The following COPB1 variants were observed in gnomAD, a reference collection of about 807,000 sequenced individuals.
The protein encoded by COPB1 is coat protein complex I subunit beta 1.
A neutral mutation model predicts 108.7 loss-of-function variants in COPB1; 21 were observed. That is an observed-to-expected ratio of 0.19 (90% CI 0.14 to 0.28). COPB1 has a LOEUF of 0.28. Among genes scored for constraint, COPB1 ranks in the 10% least tolerant of loss-of-function variants. The pLI, the probability that COPB1 is intolerant of heterozygous loss-of-function variation, is 1.00. For missense variants in COPB1, 919 were observed against 1,141.3 expected (o/e 0.81, Z 2.81); for synonymous variants, 378 against 386.8 (o/e 0.98, Z 0.27).
At chr11:14,484,499 C>T (rs1409743849) in intron 7 of COPB1, among the ~76,000 whole-genome samples, 1 of 152,100 alleles carries the variant, frequency 6.6e-6, no homozygotes, top group Non-Finnish European at 1.5e-5. Flanking sequence ...GCGGGTGGAT[C>T]ACAAGGTCAG....
intron 19 of COPB1, among the ~76,000 whole-genome samples, 187 bp downstream of exon 19, chr11:14,460,999 A>T (rs1287683075): frequency 6.6e-6 from 1 of 152,202 alleles, no homozygotes; most frequent in East Asian, 1.9e-4. Context: ...ATCAATTTAT[A>T]ACAGCAAATT....
chr11:14,469,299 A>G, intron 15 of COPB1, 37 bp downstream of exon 15: 1 of 1,558,282 alleles, frequency 6.4e-7, no homozygotes, highest in Non-Finnish European at 8.8e-7. Context: ...ACGAAGAGAC[A>G]CAAAACACTT....
At chr11:14,483,558 T>C (rs149424609) in intron 7 of COPB1, among the ~76,000 whole-genome samples, 45 of 152,292 alleles carry the variant, frequency 3.0e-4, no homozygotes, top group East Asian at 2.7e-3. Flanking sequence ...CTCATCTGCA[T>C]TGCAGTACAC....
At chr11:14,462,053 A>G (rs1177388112) in intron 18 of COPB1, among the ~76,000 whole-genome samples, 1 of 152,070 alleles carries the variant, frequency 6.6e-6, no homozygotes, top group East Asian at 1.9e-4. Context: ...TGTTCAGTAT[A>G]GACACAACCA....
intron 20 of COPB1, 43 bp downstream of exon 20, chr11:14,460,165 C>A (rs756244522): frequency 7.8e-7 from 1 of 1,287,206 alleles, no homozygotes; most frequent in Non-Finnish European, 1.1e-6. Flanking sequence ...GGAACCTACT[C>A]TACCATTCCA....
chr11:14,458,386 G>T, intron 21 of COPB1, 146 bp downstream of exon 21: 1 of 769,794 alleles, frequency 1.3e-6, no homozygotes, highest in Non-Finnish European at 1.9e-6. Context: ...AATGAGAAAA[G>T]TTATACTTCT....
rs750580085 is a variant in COPB1, at chr11:14,461,248, G to C, written c.2494C>G (p.Pro832Ala). 1 of 1,614,110 alleles carries C rather than the reference G, an allele frequency of 6.2e-7. No individual in the cohort carries two copies. The highest frequency in any genetic ancestry group is 2.2e-5 in the East Asian group (1 of 44,878). ...AATTCTGCATCAGTGCAAGTTGCAG[G>C]CTGGATATAGTCCATGATGTCGATG... Reference protein sequence around the residue: ...IHIDIMDYIQPATCTDAEFRQ... With the variant: ...IHIDIMDYIQAATCTDAEFRQ... The change falls in exon 19 of 22, where the codon CCT (proline) becomes GCT (alanine). Residue 832 changes from proline to alanine, a missense_variant. Physicochemically the swap from Pro to Ala is conservative, Grantham distance 27 (BLOSUM62 -1). Around this residue, in one of 5 missense-constraint regions of COPB1, gnomAD observed 705 missense variants for 817.8 expected, o/e 0.86. Transcript: ENST00000439561.
chr11:14,471,755 C>T (rs904556480), intron 14 of COPB1, among the ~76,000 whole-genome samples: 3 of 152,034 alleles, frequency 2.0e-5, no homozygotes, highest in Non-Finnish European at 4.4e-5. Flanking sequence ...CCAGTCTCTA[C>T]TAAAAATACA....
intron 18 of COPB1, among the ~76,000 whole-genome samples, chr11:14,464,324 A>G (rs1339322241): frequency 1.3e-5 from 2 of 151,928 alleles, no homozygotes; most frequent in Admixed American, 1.3e-4. Context: ...AGGTTTACTT[A>G]TTTTTTTCTT....
chr11:14,486,344 G>A, intron 7 of COPB1, 23 bp downstream of exon 7: 5 of 1,612,710 alleles, frequency 3.1e-6, no homozygotes, highest in Non-Finnish European at 3.4e-6. Context: ...ATCTAATCTG[G>A]CCCCAAAAGA....
rs180838069 is a variant in COPB1 at position 14,493,779 on chromosome 11, T to A, written c.354A>T (p.Gly118=). The change falls in exon 4 of 22, where the codon GGA becomes GGT. Residue 118 remains glycine (G), a synonymous_variant. Coordinates refer to ENST00000439561, the MANE Select transcript of COPB1 (RefSeq NM_001144061.2). ...ATTTGCAAAGAAAACGAAGAGTAGA[T>A]CCTCGAATAAATTCATTAGGATGTT... ...DLQHPNEFIR[G]STLRFLCKLK... 8.1e-6 allele frequency: 13 copies of A among 1,611,390 alleles called. No individual in the cohort carries two copies. Among genetic ancestry groups the A allele is most frequent in the African/African-American group, 1.3e-5 (1 of 74,932 alleles).
intron 21 of COPB1, among the ~76,000 whole-genome samples, 175 bp from the exon 22 acceptor site, chr11:14,458,058 T>C (rs1268070934): frequency 6.6e-6 from 1 of 150,980 alleles, no homozygotes; most frequent in African/African-American, 2.4e-5. Flanking sequence ...TGCTAGATTT[T>C]TCAAGCCGTC....
At chr11:14,458,763 C>CA in intron 20 of COPB1, 76 bp from the exon 21 acceptor site, 2 of 795,740 alleles carry the variant, frequency 2.5e-6, no homozygotes, top group Non-Finnish European at 3.5e-6. Flanking sequence ...GCATAGGTGA[C>CA]TTTTTTTTTT....
intron 7 of COPB1, among the ~76,000 whole-genome samples, chr11:14,484,424 A>G (rs527705751): frequency 2.6e-5 from 4 of 152,336 alleles, no homozygotes; most frequent in African/African-American, 9.6e-5. Context: ...AAGAATATAT[A>G]AGAATGTTGT....
chr11:14,458,751 C>G, intron 20 of COPB1, 64 bp from the exon 21 acceptor site: 1 of 1,423,426 alleles, frequency 7.0e-7, no homozygotes, highest in Non-Finnish European at 9.5e-7. Context: ...AAAAACCAAA[C>G]AGCATAGGTG....
chr11:14,478,440 CA>C (rs1850576869), intron 11 of COPB1, among the ~76,000 whole-genome samples: 1 of 102,984 alleles, frequency 9.7e-6, no homozygotes, highest in East Asian at 3.4e-4. Flanking sequence ...AAAGTAAAAA[CA>C]AAACAAAAAC....
At chr11:14,482,457 GTA>G (rs1194952339) in intron 8 of COPB1, among the ~76,000 whole-genome samples, 1 of 152,088 alleles carries the variant, frequency 6.6e-6, no homozygotes, top group Non-Finnish European at 1.5e-5. Context: ...ATTAAAATGA[GTA>G]TGTCACTGTC....
In COPB1 at chr11:14,488,008, T is replaced by G. The variant is rs1850815208; in HGVS notation, c.699+484A>C. Among the ~76,000 whole-genome samples the G allele has an allele frequency of 2.0e-5, 3 of 152,366 alleles. No individual in the cohort carries two copies. In the South Asian group the frequency reaches 6.2e-4, roughly 32 times the overall value. On this transcript the variant is annotated intron_variant, in intron 6 of 21. Transcript: ENST00000439561. ...AAGTGTTGCCAATATAGTATTTGAT[T>G]TAAAAATCCAAAATTCTTAGCTGGT... is the stretch of plus-strand genomic sequence containing the variant.
intron 18 of COPB1, among the ~76,000 whole-genome samples, chr11:14,462,785 A>G (rs548042203): frequency 2.0e-5 from 3 of 152,002 alleles, no homozygotes; most frequent in African/African-American, 7.3e-5. Context: ...TTTCATCCTT[A>G]TGTCTTTACT....
Sources: allele counts gnomAD v4.1 joint callset (sites outside exome capture counted in the v4.1 genomes callset), GRCh38; gene constraint gnomAD v4.1.1; regional missense constraint gnomAD v4.1.1; transcripts MANE v1.5; gene names NCBI Gene and HGNC (gene_info 2026-07-23, HGNC 2026-07-21).